The following MECOM variants were observed in gnomAD, a reference collection of about 807,000 sequenced individuals.
The protein encoded by MECOM is histone-lysine N-methyltransferase MECOM.
A neutral mutation model predicts 116.3 loss-of-function variants in MECOM; 13 were observed. The observed-to-expected ratio is 0.11, with a 90% CI of 0.07 to 0.18. The LOEUF is 0.18. MECOM is among the 10% of genes least tolerant of loss of function. MECOM has a pLI of 1.00. For synonymous variants in MECOM, 528 were observed against 535.2 expected (o/e 0.99, Z 0.19); for missense variants, 1,299 against 1,509.0 (o/e 0.86, Z 2.31).
intron 1 of MECOM, among the ~76,000 whole-genome samples, chr3:169,600,209 T>A (rs1767672916): frequency 6.6e-6 from 1 of 152,158 alleles, no homozygotes; most frequent in Non-Finnish European, 1.5e-5. Flanking sequence ...TGACCTCATG[T>A]GATCTGCCCA....
chr3:169,227,552 C>CAG (rs896486002), intron 2 of MECOM, among the ~76,000 whole-genome samples: 3 of 152,028 alleles, frequency 2.0e-5, no homozygotes, highest in Non-Finnish European at 4.4e-5. Context: ...GTTATGGGGA[C>CAG]AGAGATCTCA....
chr3:169,090,167 A>T lies in MECOM; in HGVS notation c.3234T>A (p.Asp1078Glu). 6.2e-7 allele frequency: 1 copy of T among 1,613,382 alleles called. No homozygotes were observed. Among genetic ancestry groups the T allele is most frequent in the Non-Finnish European group, 8.5e-7 (1 of 1,179,608 alleles). The change falls in exon 15 of 17, where the codon GAT becomes GAA. Residue 1078 changes from aspartate (D) to glutamate (E), a missense_variant. Transcript: ENST00000651503. ...ACAACACCTCATCTTCAACTTCTTCATCATCCAGCAAGTCTGAATTTTGAC... is the reference window on the plus strand; with the variant it reads ...ACAACACCTCATCTTCAACTTCTTCTTCATCCAGCAAGTCTGAATTTTGAC... ...VTSQNSDLLD[D>E]EEVEDEVLLD...
chr3:169,248,263 T>C (rs1755833936), intron 2 of MECOM, among the ~76,000 whole-genome samples: 1 of 152,188 alleles, frequency 6.6e-6, no homozygotes, highest in Admixed American at 6.5e-5. Context: ...TGAAAACCTG[T>C]GATGAAGATA....
chr3:169,569,152 C>T (rs1382797060), intron 1 of MECOM, among the ~76,000 whole-genome samples: 3 of 151,372 alleles, frequency 2.0e-5, no homozygotes, highest in Non-Finnish European at 4.4e-5. Context: ...GGAATATTTA[C>T]CAAGCAAATG....
intron 2 of MECOM, among the ~76,000 whole-genome samples, chr3:169,293,668 C>G (rs554003402): frequency 3.9e-5 from 6 of 152,294 alleles, no homozygotes; most frequent in African/African-American, 1.4e-4. Flanking sequence ...GTTATTATTA[C>G]CAAACATTAT....
intron 1 of MECOM, among the ~76,000 whole-genome samples, chr3:169,653,876 C>T (rs77280108): frequency 0.021 from 3,242 of 152,256 alleles, 56 homozygotes; most frequent in South Asian, 0.071. Context: ...GATTCAAACC[C>T]AGGCAAATCT....
At chr3:169,610,498 C>CGTGT (rs3045470) in intron 1 of MECOM, among the ~76,000 whole-genome samples, 5,048 of 128,672 alleles carry the variant, frequency 0.039, 233 homozygotes, top group African/African-American at 0.12. Context: ...TGTAATGTTA[C>CGTGT]GTGTGTGTGT....
intron 1 of MECOM, among the ~76,000 whole-genome samples, chr3:169,416,112 C>A (rs1271266889): frequency 6.6e-6 from 1 of 152,120 alleles, no homozygotes; most frequent in Non-Finnish European, 1.5e-5. Flanking sequence ...TAAAACCGAC[C>A]ATATAATTGG....
At chr3:169,648,400 A>G (rs915479423) in intron 1 of MECOM, among the ~76,000 whole-genome samples, 2 of 152,204 alleles carry the variant, frequency 1.3e-5, no homozygotes, top group African/African-American at 2.4e-5. Flanking sequence ...TGATCCATCT[A>G]CCCAGTATTT....
At chr3:169,626,188 G>A (rs1771346943) in intron 1 of MECOM, among the ~76,000 whole-genome samples, 1 of 152,198 alleles carries the variant, frequency 6.6e-6, no homozygotes, top group Non-Finnish European at 1.5e-5. Flanking sequence ...AACAGCAGCT[G>A]TATCTGTTTG....
intron 1 of MECOM, among the ~76,000 whole-genome samples, chr3:169,642,731 G>T (rs1392512910): frequency 1.4e-5 from 2 of 145,912 alleles, no homozygotes; most frequent in South Asian, 2.2e-4. Flanking sequence ...CAAAACAAAG[G>T]TTAATTAAAA....
chr3:169,570,428 C>G (rs1284011057), intron 1 of MECOM, among the ~76,000 whole-genome samples: 1 of 152,166 alleles, frequency 6.6e-6, no homozygotes, highest in Non-Finnish European at 1.5e-5. Flanking sequence ...GAGCTCATAC[C>G]ATTCCTTCTG....
At chr3:169,628,911 A>G (rs1205962291) in intron 1 of MECOM, among the ~76,000 whole-genome samples, 3 of 152,078 alleles carry the variant, frequency 2.0e-5, no homozygotes, top group African/African-American at 7.2e-5. Flanking sequence ...AATTTGTGGC[A>G]TTCATTTTTG....
intron 2 of MECOM, among the ~76,000 whole-genome samples, chr3:169,175,541 C>A (rs761427212): frequency 2.6e-5 from 4 of 152,068 alleles, no homozygotes; most frequent in Admixed American, 6.5e-5. Context: ...GCAAATATTC[C>A]AAAATCCAAA....
intron 2 of MECOM, among the ~76,000 whole-genome samples, chr3:169,340,222 T>C (rs1261591161): frequency 6.6e-6 from 1 of 152,174 alleles, no homozygotes; most frequent in East Asian, 1.9e-4. Flanking sequence ...GAAAATTCCG[T>C]AGTAGCTTTA....
chr3:169,505,231 A>G (rs1459239363), intron 1 of MECOM, among the ~76,000 whole-genome samples: 2 of 142,546 alleles, frequency 1.4e-5, no homozygotes, highest in Non-Finnish European at 3.2e-5. Flanking sequence ...TCCAAAGTAT[A>G]TCATACCCTG....
At position 169,374,893 on chromosome 3, in the gene MECOM, G is replaced by A. The variant is rs145439859; in HGVS notation, c.375+6294C>T. Reference sequence around the variant, plus strand: ...ACAAAAGATGTTTTTTTTAATTAGCGAGTCATGGTGGTACACATCTGTAGT... The same window carrying A: ...ACAAAAGATGTTTTTTTTAATTAGCAAGTCATGGTGGTACACATCTGTAGT... On this transcript the variant is annotated intron_variant, in intron 2 of 16. Coordinates refer to ENST00000651503, the MANE Select transcript of MECOM (RefSeq NM_004991.4). Among the ~76,000 whole-genome samples, 87 of 151,734 alleles carry A rather than the reference G, an allele frequency of 5.7e-4. 1 individual carries two copies. The highest frequency in any genetic ancestry group is 1.9e-3 in the African/African-American group (77 of 41,448).
chr3:169,569,814 T>C (rs187481257), intron 1 of MECOM, among the ~76,000 whole-genome samples: 11 of 152,180 alleles, frequency 7.2e-5, no homozygotes, highest in African/African-American at 2.4e-4. Flanking sequence ...AGACACAACA[T>C]ACCAGAATCT....
chr3:169,308,793 C>T (rs1175013558), intron 2 of MECOM, among the ~76,000 whole-genome samples: 1 of 152,084 alleles, frequency 6.6e-6, no homozygotes, highest in Non-Finnish European at 1.5e-5. Flanking sequence ...GATGCTTTGC[C>T]CTGAGTGAGC....
Sources: gnomAD v4.1 joint callset for allele counts (sites outside exome capture counted in the v4.1 genomes callset) on GRCh38, gnomAD v4.1.1 for gene constraint, MANE v1.5 for transcripts, NCBI Gene and HGNC (gene_info 2026-07-23, HGNC 2026-07-21) for gene names.